The following VSIG4 variants were observed in gnomAD, a reference collection of about 807,000 sequenced individuals.
The protein encoded by VSIG4 is V-set and immunoglobulin domain-containing protein 4.
In VSIG4, 34 loss-of-function variants were observed where a neutral mutation model predicts 23.4. The observed-to-expected ratio is 1.45, with a 90% CI of 1.10 to 1.93. The LOEUF (loss-of-function observed/expected upper bound fraction) is 1.93. Ranked by LOEUF, VSIG4 falls within the 30% of genes most tolerant of loss-of-function variation. The pLI, the probability that VSIG4 is intolerant of heterozygous loss-of-function variation, is 0.00. For missense variants in VSIG4, 433 were observed against 310.8 expected, an observed-to-expected ratio of 1.39 and a Z score of -2.96; for synonymous variants, 169 against 120.3, an observed-to-expected ratio of 1.41 and a Z score of -2.65.
At chrX:66,023,864 G>A (rs1569238549) in intron 6 of VSIG4, among the ~76,000 whole-genome samples, 2 of 112,227 alleles carry the variant, frequency 1.8e-5, no homozygotes, top group Non-Finnish European at 3.8e-5. Context: ...TTTTGAGAGA[G>A]AAACAATTTA....
At chrX:66,022,961 C>T in intron 6 of VSIG4, 99 bp from the exon 7 acceptor site, 1 of 933,411 alleles carries the variant, frequency 1.1e-6, no homozygotes, top group Non-Finnish European at 1.5e-6. Context: ...GGGAAGGGTA[C>T]AGAGGAGGGG....
intron 7 of VSIG4, 138 bp from the exon 8 acceptor site, chrX:66,022,638 A>T: frequency 2.7e-6 from 3 of 1,127,094 alleles, no homozygotes; most frequent in Non-Finnish European, 3.5e-6. Flanking sequence ...AGGCAGATGG[A>T]TCTAAATTAT....
intron 4 of VSIG4, 65 bp from the exon 5 acceptor site, chrX:66,027,591 T>C: frequency 1.0e-6 from 1 of 966,210 alleles, no homozygotes; most frequent in Non-Finnish European, 1.5e-6. Flanking sequence ...AGATAGGAGA[T>C]GGTTGCAAAG....
intron 1 of VSIG4, among the ~76,000 whole-genome samples, chrX:66,037,337 TA>T (rs2085609851): frequency 1.5e-3 from 2 of 1,317 alleles, no homozygotes; most frequent in African/African-American, 0.022. Context: ...TATAATAATA[TA>T]ATATAATATA....
chrX:66,024,745 C>T (rs1284719249), intron 6 of VSIG4, among the ~76,000 whole-genome samples: 1 of 111,590 alleles, frequency 9.0e-6, no homozygotes, highest in African/African-American at 3.3e-5. Flanking sequence ...AACTTGAGGC[C>T]AGGGATTGTG....
chrX:66,027,332 C>A, intron 5 of VSIG4, 117 bp downstream of exon 5: 1 of 628,557 alleles, frequency 1.6e-6, no homozygotes, highest in Non-Finnish European at 2.6e-6. Context: ...TTGCTTGGCA[C>A]ATAGCAGGTA....
At chrX:66,038,816 C>A (rs1310849245) in intron 1 of VSIG4, among the ~76,000 whole-genome samples, 1 of 111,326 alleles carries the variant, frequency 9.0e-6, no homozygotes, top group Non-Finnish European at 1.9e-5. Flanking sequence ...CACAGAGCCC[C>A]AGGATAGGGT....
At chrX:66,037,542 A>ACTT (rs1210718653) in intron 1 of VSIG4, among the ~76,000 whole-genome samples, 1 of 66,342 alleles carries the variant, frequency 1.5e-5, no homozygotes, top group Non-Finnish European at 2.5e-5. Context: ...TTCATAATAT[A>ACTT]TTATATTATA....
rs41307375 is a variant in VSIG4, at chrX:66,022,315, G to A, written c.1148C>T (p.Thr383Ile). The stretch of plus-strand genomic sequence containing the variant: ...CAGAAACTCATAATCCAGAGGAACT[G>A]TGTCCAGCAGGCGGGCGTAGTTGCC... The part of the protein sequence containing the change: ...INGNYARLLD[T>I]VPLDYEFLAT... Residue 383 changes from threonine to isoleucine, a missense_variant, in exon 8 of 8, where the codon ACA becomes ATA. Coordinates refer to ENST00000374737, the MANE Select transcript of VSIG4 (RefSeq NM_007268.3). 8.4e-3 allele frequency: 10,122 copies of A among 1,211,201 alleles called. 26 individuals carry two copies. The highest frequency in any genetic ancestry group is 0.01 in the Non-Finnish European group (8,995 of 895,438).
rs1230224418 is a variant in VSIG4 at position 66,039,987 on chromosome X, T to G, written c.12A>C (p.Leu4Phe). The G allele has an allele frequency of 8.3e-7, 1 of 1,211,860 alleles. No homozygotes were observed. The highest frequency in any genetic ancestry group is 3.0e-5 in the East Asian group (1 of 33,818). Residue 4 changes from leucine to phenylalanine, a missense_variant, in exon 1 of 8, where the codon TTA becomes TTC. Leu to Phe is a conservative substitution (Grantham distance 22). Coordinates refer to ENST00000374737, the MANE Select transcript of VSIG4 (RefSeq NM_007268.3). Reference sequence around the variant, plus strand: ...GGTGCCCCAGGAGTAGCAGGCCCAGTAAGATCCCCATCACAGCCAGAGCTA... The same window carrying G: ...GGTGCCCCAGGAGTAGCAGGCCCAGGAAGATCCCCATCACAGCCAGAGCTA... MGI[L>F]LGLLLLGHLT...
At chrX:66,034,724 G>A (rs954086054) in intron 1 of VSIG4, among the ~76,000 whole-genome samples, 3 of 96,586 alleles carry the variant, frequency 3.1e-5, no homozygotes, top group Non-Finnish European at 6.2e-5. Context: ...GAAGCAATGG[G>A]AGATTGCTCC....
At chrX:66,036,928 A>G (rs1178483402) in intron 1 of VSIG4, among the ~76,000 whole-genome samples, 2 of 34,833 alleles carry the variant, frequency 5.7e-5, no homozygotes, top group Non-Finnish European at 8.3e-5. Flanking sequence ...ATATTATATT[A>G]TATGATATAT....
At chrX:66,037,903 A>C (rs1266317523) in intron 1 of VSIG4, among the ~76,000 whole-genome samples, 1 of 107,236 alleles carries the variant, frequency 9.3e-6, no homozygotes, top group African/African-American at 3.4e-5. Flanking sequence ...AGAAAGGTTG[A>C]ATTTACTAGG....
In VSIG4 at chrX:66,032,495, T is replaced by C; in HGVS notation, c.667A>G (p.Ser223Gly). 1 of 1,211,577 alleles carries C rather than the reference T, an allele frequency of 8.3e-7. No homozygotes were observed. Among genetic ancestry groups the C allele is most frequent in the Middle Eastern group, 2.3e-4 (1 of 4,292 alleles). ...AKGQVGSEQH[S>G]DIVKFVVKDS... ...TTGACCACAAACTTCACAATGTCGC[T>C]GTGCTGCTCAGAGCCAACCTGGCCC... The change falls in exon 3 of 8, where the codon AGC (serine) becomes GGC (glycine). Residue 223 changes from serine (S) to glycine (G), a missense_variant. Coordinates refer to ENST00000374737, the MANE Select transcript of VSIG4 (RefSeq NM_007268.3).
intron 4 of VSIG4, 50 bp from the exon 5 acceptor site, chrX:66,027,576 T>G: frequency 9.7e-7 from 1 of 1,029,511 alleles, no homozygotes. Context: ...TTTCAAAAAG[T>G]TGAGAGATAG....
Position 66,022,470 on chromosome X carries a change from T to C in VSIG4, c.993A>G (p.Gly331=), listed in dbSNP as rs1304038914. The C allele has an allele frequency of 2.5e-6, 3 of 1,211,812 alleles. No homozygotes were observed. Among genetic ancestry groups the C allele is most frequent in the Middle Eastern group, 4.8e-4 (2 of 4,148 alleles). ...RAHAREANDS[G]ETMRVAIFAS... is the part of the protein sequence containing the mutation. ...CGAAGATGGCCACCCTCATGGTTTC[T>C]CCAGAGTCGTTGGCCTCTCTGGCAT... Residue 331 remains glycine (G), a synonymous_variant, in exon 8 of 8, where the codon GGA becomes GGG. Transcript: ENST00000374737.
intron 1 of VSIG4, among the ~76,000 whole-genome samples, chrX:66,039,039 C>A (rs1408058865): frequency 9.1e-6 from 1 of 109,327 alleles, no homozygotes; most frequent in African/African-American, 3.3e-5. Context: ...ATAGAGCTTC[C>A]CAAGCTCCAA....
chrX:66,028,550 G>A (rs5965085), intron 3 of VSIG4, among the ~76,000 whole-genome samples: 26,447 of 94,789 alleles, frequency 0.28, 5,045 homozygotes, highest in African/African-American at 0.65. Flanking sequence ...AAAATTTGAC[G>A]TAATCAACTT....
In VSIG4 at chrX:66,039,931, C is replaced by T. The variant is rs1394196742; in HGVS notation, c.55+13G>A. 1 of 1,209,349 alleles carries T rather than the reference C, an allele frequency of 8.3e-7. No individual in the cohort carries two copies. The highest frequency in any genetic ancestry group is 1.1e-6 in the Non-Finnish European group (1 of 894,699). On this transcript the variant is annotated intron_variant, in intron 1 of 7. Transcript: ENST00000374737. The stretch of plus-strand genomic sequence containing the variant: ...AGCCAGCAATGGCAGCCAGGCCCCC[C>T]TTTCTGCCTTACCATAAGTGTCCAC...
Sources: allele counts gnomAD v4.1 joint callset (sites outside exome capture counted in the v4.1 genomes callset), GRCh38; gene constraint gnomAD v4.1.1; transcripts MANE v1.5; gene names NCBI Gene and HGNC (gene_info 2026-07-23, HGNC 2026-07-21).